ERVH48-1: variants seen among roughly 807,000 people sequenced by gnomAD.
ERVH48-1 encodes endogenous retrovirus group 48 member 1, envelope, also known as suppressyn.
Under a neutral mutation model 2.4 loss-of-function variants are expected in ERVH48-1, and 4 were observed. The observed-to-expected ratio is 1.68, with a 90% CI of 0.83 to 3.84. The LOEUF (loss-of-function observed/expected upper bound fraction) is 3.84. ERVH48-1 is among the 30% of genes most tolerant of loss of function. The pLI is 0.01. For missense variants in ERVH48-1, 97 were observed against 43.4 expected, an observed-to-expected ratio of 2.23 and a Z score of -3.47; for synonymous variants, 32 against 15.5, an observed-to-expected ratio of 2.06 and a Z score of -2.49.
Position 42,918,111 on chromosome 21 carries a change from C to G in ERVH48-1, c.*413G>C. On this transcript the variant is annotated 3_prime_UTR_variant, in exon 2 of 2. Transcript: ENST00000447535. Reference sequence around the variant, plus strand: ...AAGGGTTAGTGGTGTTCGTACAGTACCAGGCCTTTTTTGACAAGACACAAT... The same window carrying G: ...AAGGGTTAGTGGTGTTCGTACAGTAGCAGGCCTTTTTTGACAAGACACAAT... The G allele has an allele frequency of 4.5e-6, 1 of 220,538 alleles. No individual in the cohort carries two copies. Among genetic ancestry groups the G allele is most frequent in the Non-Finnish European group, 9.1e-6 (1 of 110,254 alleles). The allele number at this position is 220,538 out of a possible 1,614,324, so 13.7% of individuals were successfully genotyped here. A position where few individuals can be genotyped will look rare whatever the true frequency, so the allele number is the denominator to read the frequency against.
chr21:42,920,135 G>C (rs2058801449), intron 1 of ERVH48-1, among the ~76,000 whole-genome samples: 1 of 151,586 alleles, frequency 6.6e-6, no homozygotes, highest in Admixed American at 6.6e-5. Context: ...ACCCGACATG[G>C]AAAGAGTTGT....
chr21:42,919,935 T>C (rs1407711311), intron 1 of ERVH48-1, among the ~76,000 whole-genome samples: 1 of 151,720 alleles, frequency 6.6e-6, no homozygotes, highest in East Asian at 1.9e-4. Flanking sequence ...GCTTGGTGGG[T>C]AGGAAAAGGC....
intron 1 of ERVH48-1, among the ~76,000 whole-genome samples, chr21:42,924,333 G>T (rs1285927886): frequency 6.6e-6 from 1 of 152,096 alleles, no homozygotes; most frequent in Non-Finnish European, 1.5e-5. Context: ...GGCTTAGGGG[G>T]TTAAAGAAGA....
intron 1 of ERVH48-1, among the ~76,000 whole-genome samples, chr21:42,923,761 T>G (rs2058813518): frequency 6.6e-6 from 1 of 152,160 alleles, no homozygotes; most frequent in Admixed American, 6.5e-5. Context: ...ATGAATTGTA[T>G]CAGCATGTGC....
At position 42,925,417 on chromosome 21, in the gene ERVH48-1, G is replaced by A. The variant is rs61734233; in HGVS notation, c.-357C>T. On this transcript the variant is annotated 5_prime_UTR_variant, in exon 1 of 2. Coordinates refer to ENST00000447535, the MANE Select transcript of ERVH48-1 (RefSeq NM_001308491.2). Reference sequence around the variant, plus strand: ...AGAGGCTGAGGAGCTTCCTTTGTCCGGCTGCTGTGGCCTGCTTTCCCAGAT... The same window carrying A: ...AGAGGCTGAGGAGCTTCCTTTGTCCAGCTGCTGTGGCCTGCTTTCCCAGAT... The A allele has an allele frequency of 0.05, 24,231 of 486,522 alleles. 851 individuals are homozygous for A. Among genetic ancestry groups the A allele is most frequent in the East Asian group, 0.081 (1,304 of 16,062 alleles). The allele number at this position is 486,522 out of a possible 1,614,324, so 30.1% of individuals were successfully genotyped here. A position where few individuals can be genotyped will look rare whatever the true frequency, so the allele number is the denominator to read the frequency against.
Position 42,917,552 on chromosome 21 carries a change from A to C in ERVH48-1, c.*972T>G, listed in dbSNP as rs1387358247. On this transcript the variant is annotated 3_prime_UTR_variant, in exon 2 of 2. Transcript: ENST00000447535. ...TGTTAAGACAGCAATTGGAGATGTT[A>C]AACTTACCACAGCCCGCACCCTCTT... 1 of 152,208 alleles carries C rather than the reference A, an allele frequency of 6.6e-6. No homozygotes were observed. The highest frequency in any genetic ancestry group is 1.5e-5 in the Non-Finnish European group (1 of 68,036). The allele number at this position is 152,208 out of a possible 1,614,324, so 9.4% of individuals were successfully genotyped here.
intron 1 of ERVH48-1, among the ~76,000 whole-genome samples, chr21:42,921,359 C>A (rs915081810): frequency 1.3e-5 from 2 of 151,994 alleles, no homozygotes; most frequent in African/African-American, 4.8e-5. Flanking sequence ...AAGGAGGGAA[C>A]CCAGAGCCTG....
At chr21:42,919,686 G>A (rs191672101) in intron 1 of ERVH48-1, among the ~76,000 whole-genome samples, 77 of 152,294 alleles carry the variant, frequency 5.1e-4, no homozygotes, top group Admixed American at 1.5e-3. Flanking sequence ...GGCGCCTTGG[G>A]TGATTTGGCT....
In ERVH48-1 at chr21:42,925,402, G is replaced by A; in HGVS notation, c.-342C>T. 4.1e-6 allele frequency: 2 copies of A among 491,922 alleles called. No individual in the cohort carries two copies. The highest frequency in any genetic ancestry group is 7.6e-6 in the Non-Finnish European group (2 of 264,678). 30.5% of individuals were successfully genotyped at this position (491,922 alleles called of 1,614,324 possible). ...CACAGAGAGGCGACTAGAGGCTGAG[G>A]AGCTTCCTTTGTCCGGCTGCTGTGG... On this transcript the variant is annotated 5_prime_UTR_variant, in exon 1 of 2. Transcript: ENST00000447535.
chr21:42,919,306 T>C lies in ERVH48-1; in HGVS notation c.-285-15A>G, dbSNP rs1445027452. On this transcript the variant is annotated splice_polypyrimidine_tract_variant and intron_variant, in intron 1 of 1. Coordinates refer to ENST00000447535, the MANE Select transcript of ERVH48-1 (RefSeq NM_001308491.2). ...CACGTCTGTGCCTGCAAGACAGTTATGATGTTGAGAGGATAAGGAGGTGTC... is the reference window on the plus strand; with the variant it reads ...CACGTCTGTGCCTGCAAGACAGTTACGATGTTGAGAGGATAAGGAGGTGTC... The C allele has an allele frequency of 1.3e-5, 3 of 238,518 alleles. No individual in the cohort carries two copies. Among genetic ancestry groups the C allele is most frequent in the Admixed American group, 5.1e-5 (1 of 19,724 alleles). 14.8% of individuals were successfully genotyped at this position (238,518 alleles called of 1,614,324 possible). A position where few individuals can be genotyped will look rare whatever the true frequency, so the allele number is the denominator to read the frequency against.
chr21:42,918,778 C>T lies in ERVH48-1; in HGVS notation c.229G>A (p.Glu77Lys), dbSNP rs775366111. 3.5e-5 allele frequency: 16 copies of T among 456,596 alleles called. No individual in the cohort carries two copies. The highest frequency in any genetic ancestry group is 4.7e-5 in the Admixed American group (2 of 42,556). The allele number at this position is 456,596 out of a possible 1,614,324, so 28.3% of individuals were successfully genotyped here. The change falls in exon 2 of 2, where the codon GAG becomes AAG. Residue 77 changes from glutamate to lysine, a missense_variant. Glu to Lys is a moderately conservative substitution (Grantham distance 56, BLOSUM62 1). Transcript: ENST00000447535. Reference sequence around the variant, plus strand: ...CTCTTTCCTGATTCAACACATTCCTCGATTAAGTTTCCATAACAGGATCTT... The same window carrying T: ...CTCTTTCCTGATTCAACACATTCCTTGATTAAGTTTCCATAACAGGATCTT... Reference protein sequence around the residue: ...IERSCYGNLIEECVESGKSYY... With the variant: ...IERSCYGNLIKECVESGKSYY...
At chr21:42,922,613 G>A (rs1282822353) in intron 1 of ERVH48-1, among the ~76,000 whole-genome samples, 1 of 151,540 alleles carries the variant, frequency 6.6e-6, no homozygotes, top group Non-Finnish European at 1.5e-5. Context: ...AGTGGCGGGC[G>A]CCTGTAGTCC....
chr21:42,921,008 CAA>C (rs555574030), intron 1 of ERVH48-1, among the ~76,000 whole-genome samples: 1 of 152,102 alleles, frequency 6.6e-6, no homozygotes, highest in Non-Finnish European at 1.5e-5. Context: ...AGGTTGGCAT[CAA>C]GAGATAGTTT....
intron 1 of ERVH48-1, among the ~76,000 whole-genome samples, chr21:42,920,682 T>A (rs145784284): frequency 2.0e-4 from 31 of 152,226 alleles, no homozygotes; most frequent in Non-Finnish European, 3.7e-4. Flanking sequence ...ATAGCCAGCA[T>A]GTTGGCATCC....
At chr21:42,919,581 T>C (rs1422533923) in intron 1 of ERVH48-1, among the ~76,000 whole-genome samples, 1 of 152,162 alleles carries the variant, frequency 6.6e-6, no homozygotes, top group Non-Finnish European at 1.5e-5. Context: ...CTTGGTGAGT[T>C]GGGCTTTAAG....
intron 1 of ERVH48-1, among the ~76,000 whole-genome samples, chr21:42,920,076 C>T (rs1464435712): frequency 3.9e-5 from 1 of 25,650 alleles, no homozygotes; most frequent in Admixed American, 2.0e-4. Flanking sequence ...GGTTTGTACC[C>T]GACGAGGACA....
chr21:42,923,172 A>G (rs1184304478), intron 1 of ERVH48-1, among the ~76,000 whole-genome samples: 3 of 152,164 alleles, frequency 2.0e-5, no homozygotes, highest in Admixed American at 6.5e-5. Flanking sequence ...GGGTTTGGGC[A>G]TTGCCTGGAC....
chr21:42,923,031 G>T (rs960282965), intron 1 of ERVH48-1, among the ~76,000 whole-genome samples: 2 of 152,260 alleles, frequency 1.3e-5, no homozygotes, highest in Non-Finnish European at 2.9e-5. Context: ...GTCTTCAGCG[G>T]CAAGGCCGAT....
At chr21:42,921,410 T>C (rs2058805323) in intron 1 of ERVH48-1, among the ~76,000 whole-genome samples, 1 of 151,936 alleles carries the variant, frequency 6.6e-6, no homozygotes, top group South Asian at 2.1e-4. Context: ...ATTTCTTGCT[T>C]AGTTTGCGGA....
Sources: allele counts gnomAD v4.1 joint callset (sites outside exome capture counted in the v4.1 genomes callset), GRCh38; gene constraint gnomAD v4.1.1; transcripts MANE v1.5; gene names NCBI Gene and HGNC (gene_info 2026-07-23, HGNC 2026-07-21).